Variants in CNOT6L observed in about 807,000 individuals in gnomAD.
The protein encoded by CNOT6L is CCR4-NOT transcription complex subunit 6-like.
CNOT6L carries 7 observed loss-of-function variants against 64.0 expected under a neutral mutation model. That is an observed-to-expected ratio of 0.11 (90% CI 0.06 to 0.21). The LOEUF is 0.21. Ranked by LOEUF, CNOT6L falls within the 10% of genes least tolerant of loss-of-function variation. CNOT6L has a pLI of 1.00. For missense variants in CNOT6L, 245 were observed against 669.0 expected (o/e 0.37, Z 6.99); for synonymous variants, 193 against 243.4 (o/e 0.79, Z 1.93).
In CNOT6L at chr4:77,762,004, A is replaced by C. The variant is rs574446340; in HGVS notation, c.401-5053T>G. ...ATAGCATAAAAAATCAAGTAAGTAG[A>C]TATACATCTAGCAAAATATTTACAA... On this transcript the variant is annotated intron_variant, in intron 4 of 11. Transcript: ENST00000504123. Among the ~76,000 whole-genome samples, 208 of 152,318 alleles carry C rather than the reference A, an allele frequency of 1.4e-3. 1 individual carries two copies. The highest frequency in any genetic ancestry group is 0.01 in the Middle Eastern group (3 of 294).
rs1720593365 is a variant in CNOT6L, at chr4:77,714,990, A to G, written c.*5441T>C. 2 of 152,482 alleles carry G rather than the reference A, an allele frequency of 1.3e-5. No individual in the cohort carries two copies. The allele number at this position is 152,482 out of a possible 1,614,324, so 9.4% of individuals were successfully genotyped here. On this transcript the variant is annotated 3_prime_UTR_variant, in exon 12 of 12. Transcript: ENST00000504123. ...TACAAACTAAATTAAATTGGTACAT[A>G]TAACAATTGATAGCTTGAAAGACAA... is the stretch of plus-strand genomic sequence containing the variant.
At chr4:77,753,305 A>G (rs1018785942) in intron 5 of CNOT6L, among the ~76,000 whole-genome samples, 2 of 152,142 alleles carry the variant, frequency 1.3e-5, no homozygotes, top group Non-Finnish European at 2.9e-5. Flanking sequence ...TGTAACTTTA[A>G]TATCACAACT....
At chr4:77,812,680 T>A (rs921660573) in intron 1 of CNOT6L, among the ~76,000 whole-genome samples, 1 of 151,916 alleles carries the variant, frequency 6.6e-6, no homozygotes, top group Admixed American at 6.6e-5. Flanking sequence ...TTAAAGACGA[T>A]CTAAATAAAT....
chr4:77,748,250 T>C, intron 6 of CNOT6L, 66 bp downstream of exon 6: 1 of 1,069,800 alleles, frequency 9.3e-7, no homozygotes, highest in Non-Finnish European at 1.5e-6. Flanking sequence ...TTATTACAGA[T>C]CATGAAGCCC....
chr4:77,802,216 C>T (rs909007176), intron 1 of CNOT6L, among the ~76,000 whole-genome samples: 2 of 151,858 alleles, frequency 1.3e-5, no homozygotes, highest in African/African-American at 4.8e-5. Flanking sequence ...TTATGTACAC[C>T]TTATACATAC....
At chr4:77,811,482 G>A (rs1732932444) in intron 1 of CNOT6L, among the ~76,000 whole-genome samples, 1 of 152,112 alleles carries the variant, frequency 6.6e-6, no homozygotes, top group South Asian at 2.1e-4. Flanking sequence ...GGGAGGCGGA[G>A]GTTGCAGTGA....
chr4:77,736,656 T>C (rs1291944635), intron 8 of CNOT6L, among the ~76,000 whole-genome samples: 1 of 152,184 alleles, frequency 6.6e-6, no homozygotes, highest in Non-Finnish European at 1.5e-5. Context: ...TACTTTCCAA[T>C]CATTGTTCCA....
chr4:77,726,207 T>C lies in CNOT6L; in HGVS notation c.1415A>G (p.Asn472Ser), dbSNP rs1344442677. ...GTAATTGGTGTAAGGCATCAAGTTA[T>C]TTTCATAGGCGCTCTTAAGTTGGAA... ...HGFQLKSAYENNLMPYTNYTF... is the reference protein window; with the variant it reads ...HGFQLKSAYESNLMPYTNYTF... The change falls in exon 11 of 12, where the codon AAT becomes AGT. Residue 472 changes from asparagine to serine, a missense_variant. By Grantham distance (46) the Asn-to-Ser change is conservative. Transcript: ENST00000504123. 1.2e-6 allele frequency: 2 copies of C among 1,613,742 alleles called. No individual in the cohort carries two copies. The highest frequency in any genetic ancestry group is 2.7e-5 in the African/African-American group (2 of 74,930).
upstream of CNOT6L, chr4:77,819,504 C>T (rs1020748831): frequency 6.1e-6 from 7 of 1,146,464 alleles, no homozygotes; most frequent in South Asian, 6.1e-5. Context: ...GCCGCGGCGG[C>T]ACACAGGGCC....
Position 77,779,063 on chromosome 4 carries a change from C to CA in CNOT6L, c.6-2672dup, listed in dbSNP as rs879638003. ...CTCTGTCTCAAAAAAAAAAAAAAAA[C>CA]AAAAAAAAAACACAAAAAACACACA... On this transcript the variant is annotated intron_variant, in intron 1 of 11. Coordinates refer to ENST00000504123, the MANE Select transcript of CNOT6L (RefSeq NM_144571.3). Among the ~76,000 whole-genome samples, 55 of 71,270 alleles carry CA rather than the reference C, an allele frequency of 7.7e-4. 1 individual carries two copies. Among genetic ancestry groups the CA allele is most frequent in the South Asian group, 3.1e-3 (7 of 2,264 alleles). The allele number at this position is 71,270 out of a possible 152,430, so 46.8% of individuals were successfully genotyped here.
At chr4:77,727,902 CT>C (rs1023148565) in intron 10 of CNOT6L, among the ~76,000 whole-genome samples, 11 of 152,046 alleles carry the variant, frequency 7.2e-5, no homozygotes, top group Middle Eastern at 3.4e-3. Flanking sequence ...AGTTCAGTGA[CT>C]TTTTTTTAAT....
chr4:77,773,253 T>A, intron 3 of CNOT6L, 87 bp from the exon 4 acceptor site: 1 of 737,390 alleles, frequency 1.4e-6, no homozygotes, highest in Non-Finnish European at 2.2e-6. Flanking sequence ...CCTTCTAACA[T>A]ACTATGAGTG....
intron 1 of CNOT6L, among the ~76,000 whole-genome samples, chr4:77,814,181 T>C (rs566526694): frequency 7.2e-5 from 11 of 152,228 alleles, no homozygotes; most frequent in African/African-American, 1.7e-4. Context: ...GCCAAATCTA[T>C]AGAGAAAGGA....
chr4:77,801,699 G>GGGGT (rs1325700857), intron 1 of CNOT6L, among the ~76,000 whole-genome samples: 3 of 126,326 alleles, frequency 2.4e-5, no homozygotes, highest in Admixed American at 1.6e-4. Flanking sequence ...TTGGGGGGGG[G>GGGGT]GGAGAATGAA....
intron 2 of CNOT6L, 68 bp from the exon 3 acceptor site, chr4:77,774,784 C>G (rs762399558): frequency 1.5e-5 from 15 of 1,016,450 alleles, no homozygotes; most frequent in Non-Finnish European, 1.9e-5. Context: ...ACTACAACGA[C>G]TGAAAAGTGG....
At chr4:77,761,852 G>GT (rs1453781128) in intron 4 of CNOT6L, among the ~76,000 whole-genome samples, 2 of 152,022 alleles carry the variant, frequency 1.3e-5, no homozygotes, top group Non-Finnish European at 2.9e-5. Flanking sequence ...TCAAGAGTTC[G>GT]TAAAAAGCTC....
At chr4:77,752,762 T>C (rs1245085896) in intron 5 of CNOT6L, among the ~76,000 whole-genome samples, 1 of 151,724 alleles carries the variant, frequency 6.6e-6, no homozygotes, top group Non-Finnish European at 1.5e-5. Context: ...TAAATATATT[T>C]GAGGAAAAAA....
intron 1 of CNOT6L, among the ~76,000 whole-genome samples, chr4:77,777,594 G>A (rs1278482179): frequency 6.6e-6 from 1 of 152,268 alleles, no homozygotes; most frequent in African/African-American, 2.4e-5. Context: ...ATGACACAAT[G>A]TCCTGAGCCT....
chr4:77,721,154 T>G (rs1390518753), intron 11 of CNOT6L, among the ~76,000 whole-genome samples: 1 of 152,238 alleles, frequency 6.6e-6, no homozygotes, highest in African/African-American at 2.4e-5. Flanking sequence ...TTCCCAGATT[T>G]GCTACATACA....
Sources: allele counts gnomAD v4.1 joint callset (sites outside exome capture counted in the v4.1 genomes callset), GRCh38; gene constraint gnomAD v4.1.1; transcripts MANE v1.5; gene names NCBI Gene and HGNC (gene_info 2026-07-23, HGNC 2026-07-21).